The following MAOA variants were observed in gnomAD, a reference collection of about 807,000 sequenced individuals.
MAOA encodes the protein amine oxidase [flavin-containing] A.
In MAOA, 6 loss-of-function variants were observed where a neutral mutation model predicts 42.0. That is an observed-to-expected ratio of 0.14 (90% CI 0.08 to 0.28). The LOEUF (loss-of-function observed/expected upper bound fraction) is 0.28, where lower values mean the gene tolerates loss of function less well. MAOA is among the 10% of genes least tolerant of loss of function. MAOA has a pLI of 1.00. For synonymous variants in MAOA, 140 were observed against 154.0 expected (o/e 0.91, Z 0.67); for missense variants, 262 against 422.3 (o/e 0.62, Z 3.33).
chrX:43,728,052 G>T, intron 5 of MAOA, 121 bp from the exon 6 acceptor site: 2 of 668,920 alleles, frequency 3.0e-6, no homozygotes, highest in Non-Finnish European at 2.5e-6. Context: ...GAATCCTTGA[G>T]AGTTTTTTTC....
chrX:43,675,532 T>C (rs1489978334), intron 1 of MAOA, among the ~76,000 whole-genome samples: 1 of 112,419 alleles, frequency 8.9e-6, no homozygotes, highest in East Asian at 2.8e-4. Context: ...TTTTAGAGTT[T>C]CCAGTTTTTC....
chrX:43,713,666 G>A (rs1453474491), intron 5 of MAOA, among the ~76,000 whole-genome samples: 5 of 111,476 alleles, frequency 4.5e-5, no homozygotes, highest in African/African-American at 1.3e-4. Context: ...TACCCTCATG[G>A]AGTTTATGTT....
At chrX:43,728,719 T>C (rs980345888) in intron 6 of MAOA, among the ~76,000 whole-genome samples, 1 of 112,875 alleles carries the variant, frequency 8.9e-6, no homozygotes, top group Non-Finnish European at 1.9e-5. Flanking sequence ...GATTCTTTTA[T>C]GTTAACTGCT....
intron 5 of MAOA, among the ~76,000 whole-genome samples, chrX:43,723,038 G>C (rs1051847307): frequency 1.8e-5 from 2 of 111,035 alleles, no homozygotes; most frequent in Non-Finnish European, 3.8e-5. Flanking sequence ...CTGTTCCATT[G>C]GTCTATATAT....
At chrX:43,718,075 G>T (rs1302849803) in intron 5 of MAOA, among the ~76,000 whole-genome samples, 1 of 110,888 alleles carries the variant, frequency 9.0e-6, no homozygotes, top group African/African-American at 3.3e-5. Flanking sequence ...AGATGGTGTG[G>T]CAGGATGGTA....
At chrX:43,732,838 A>G in intron 9 of MAOA, 43 bp downstream of exon 9, 3 of 910,752 alleles carry the variant, frequency 3.3e-6, no homozygotes, top group Non-Finnish European at 4.8e-6. Flanking sequence ...AATTGTGTTG[A>G]TGTATTGGTG....
At chrX:43,725,055 C>G (rs1342439218) in intron 5 of MAOA, among the ~76,000 whole-genome samples, 1 of 111,758 alleles carries the variant, frequency 8.9e-6, no homozygotes. Flanking sequence ...GTTGTGATTT[C>G]TGTACTTTTA....
intron 1 of MAOA, among the ~76,000 whole-genome samples, chrX:43,676,503 A>C (rs2033398448): frequency 8.9e-6 from 1 of 111,746 alleles, no homozygotes; most frequent in Admixed American, 9.5e-5. Flanking sequence ...CCAGTACATC[A>C]GATGGAAATG....
intron 8 of MAOA, among the ~76,000 whole-genome samples, chrX:43,732,402 C>G (rs1324223229): frequency 9.0e-6 from 1 of 111,241 alleles, no homozygotes; most frequent in Non-Finnish European, 1.9e-5. Context: ...CAATGCAGCC[C>G]TTCTCTTTCC....
At chrX:43,715,988 G>T (rs1286482535) in intron 5 of MAOA, among the ~76,000 whole-genome samples, 1 of 109,661 alleles carries the variant, frequency 9.1e-6, no homozygotes, top group Non-Finnish European at 1.9e-5. Flanking sequence ...AAGATGGGTG[G>T]TATAGAGAGA....
chrX:43,736,765 T>G (rs977457716), intron 10 of MAOA, among the ~76,000 whole-genome samples: 1 of 102,599 alleles, frequency 9.7e-6, no homozygotes, highest in Non-Finnish European at 2.0e-5. Context: ...AGGACAGTGG[T>G]TTTTTTTTTT....
chrX:43,727,376 G>A (rs1384343760), intron 5 of MAOA, among the ~76,000 whole-genome samples: 1 of 112,076 alleles, frequency 8.9e-6, no homozygotes, highest in African/African-American at 3.2e-5. Flanking sequence ...TGCCCACAGA[G>A]GTGGAATCTA....
In MAOA at chrX:43,741,767, G is replaced by A. The variant is rs78756150; in HGVS notation, c.1165-183G>A. On this transcript the variant is annotated intron_variant, in intron 11 of 14. Coordinates refer to ENST00000338702, the MANE Select transcript of MAOA (RefSeq NM_000240.4). ...GGGAAGAGCAAAGTATACATGTTTT[G>A]CCACATGGTACTTCACAAAAGGCCA... 5.0e-4 allele frequency among the ~76,000 whole-genome samples: 56 copies of A among 112,248 alleles called. No individual in the cohort carries two copies. In the East Asian group the frequency reaches 0.015, roughly 30 times the overall value.
intron 1 of MAOA, among the ~76,000 whole-genome samples, chrX:43,656,791 T>C (rs2033183852): frequency 9.0e-6 from 1 of 110,653 alleles, no homozygotes; most frequent in South Asian, 3.8e-4. Context: ...AATAACTCTC[T>C]TGAGGTCGAA....
At chrX:43,706,340 CTA>C (rs1347396273) in intron 3 of MAOA, among the ~76,000 whole-genome samples, 1 of 112,118 alleles carries the variant, frequency 8.9e-6, no homozygotes, top group Non-Finnish European at 1.9e-5. Context: ...AAGAGGAAAA[CTA>C]TTTTTTTAAA....
In MAOA at chrX:43,728,322, G is replaced by A. The variant is rs1460886444; in HGVS notation, c.645+8G>A. The A allele has an allele frequency of 4.1e-6, 5 of 1,209,186 alleles. No individual in the cohort carries two copies. The highest frequency in any genetic ancestry group is 3.0e-5 in the East Asian group (1 of 33,724). On this transcript the variant is annotated splice_region_variant and intron_variant, in intron 6 of 14. Coordinates refer to ENST00000338702, the MANE Select transcript of MAOA (RefSeq NM_000240.4). Reference sequence around the variant, plus strand: ...GTCACCAATGGTGGCCAGGTATGGTGTGTATGTGTCTGTTCTGAAACAAGA... The same window carrying A: ...GTCACCAATGGTGGCCAGGTATGGTATGTATGTGTCTGTTCTGAAACAAGA...
At chrX:43,681,878 A>ATTTT (rs1282241261) in intron 1 of MAOA, among the ~76,000 whole-genome samples, 15 of 80,385 alleles carry the variant, frequency 1.9e-4, no homozygotes, top group African/African-American at 7.3e-4. Context: ...ATATATATAT[A>ATTTT]TATTTTTTTT....
intron 2 of MAOA, among the ~76,000 whole-genome samples, chrX:43,688,249 G>A: frequency 8.9e-6 from 1 of 112,050 alleles, no homozygotes; most frequent in Non-Finnish European, 1.9e-5. Flanking sequence ...GCAGACTTCT[G>A]TATTACAGTC....
intron 1 of MAOA, among the ~76,000 whole-genome samples, chrX:43,661,010 GGCAATCTAGT>G (rs1400304847): frequency 8.9e-6 from 1 of 112,103 alleles, no homozygotes; most frequent in African/African-American, 3.2e-5. Context: ...GGTTTTAAAA[GGCAATCTAGT>G]CCAATCACCT....
Sources: allele counts gnomAD v4.1 joint callset (sites outside exome capture counted in the v4.1 genomes callset), GRCh38; gene constraint gnomAD v4.1.1; transcripts MANE v1.5; gene names NCBI Gene and HGNC (gene_info 2026-07-23, HGNC 2026-07-21).